The following RGS9 variants were observed in gnomAD, a reference collection of about 807,000 sequenced individuals.
RGS9 encodes regulator of G protein signaling 9.
RGS9 carries 78 observed loss-of-function variants against 102.0 expected under a neutral mutation model. That is an observed-to-expected ratio of 0.76 (90% CI 0.64 to 0.92). RGS9 has a LOEUF of 0.92. Among genes scored for constraint, RGS9 ranks in the 40% least tolerant of loss-of-function variants. The probability of loss-of-function intolerance (pLI) is 0.00; values close to 1 mark genes in which losing one functional copy is unlikely to be tolerated. For missense variants in RGS9, 833 were observed against 866.1 expected, an observed-to-expected ratio of 0.96 and a Z score of 0.48; for synonymous variants, 353 against 318.6, an observed-to-expected ratio of 1.11 and a Z score of -1.15.
intron 8 of RGS9, among the ~76,000 whole-genome samples, chr17:65,169,413 A>G (rs1435706911): frequency 2.6e-5 from 4 of 152,198 alleles, no homozygotes; most frequent in African/African-American, 9.6e-5. Context: ...ACAGGGTCCC[A>G]GAGATAAGCA....
At chr17:65,183,380 C>T (rs1911975730) in intron 9 of RGS9, among the ~76,000 whole-genome samples, 1 of 152,156 alleles carries the variant, frequency 6.6e-6, no homozygotes, top group Non-Finnish European at 1.5e-5. Flanking sequence ...GCCTTGGACT[C>T]TCAAAGTGCT....
At chr17:65,159,794 T>C (rs1453049308) in intron 3 of RGS9, among the ~76,000 whole-genome samples, 2 of 152,092 alleles carry the variant, frequency 1.3e-5, no homozygotes, top group African/African-American at 4.8e-5. Flanking sequence ...GGGATAGAAG[T>C]TGGCAATAAA....
intron 9 of RGS9, among the ~76,000 whole-genome samples, chr17:65,187,243 A>C (rs1408197924): frequency 2.6e-5 from 4 of 152,206 alleles, no homozygotes; most frequent in Admixed American, 2.6e-4. Context: ...GCTAGGGAAG[A>C]TAGACCTGGT....
chr17:65,227,187 C>A, intron 18 of RGS9, 88 bp from the exon 19 acceptor site: 1 of 1,580,790 alleles, frequency 6.3e-7, no homozygotes, highest in Non-Finnish European at 8.7e-7. Flanking sequence ...CTGGTATGTT[C>A]ATCTTCAAGG....
intron 10 of RGS9, 86 bp from the exon 11 acceptor site, chr17:65,190,089 A>G: frequency 9.1e-7 from 1 of 1,098,848 alleles, no homozygotes; most frequent in Non-Finnish European, 1.4e-6. Context: ...CTCTGGGTAA[A>G]TGGCTTCTGG....
chr17:65,160,448 A>C, intron 4 of RGS9, 88 bp from the exon 5 acceptor site: 1 of 1,577,594 alleles, frequency 6.3e-7, no homozygotes, highest in East Asian at 2.2e-5. Flanking sequence ...GAGGGGGCCA[A>C]GGTGGTTGGA....
At chr17:65,141,396 T>C (rs972338182) in intron 1 of RGS9, among the ~76,000 whole-genome samples, 7 of 152,222 alleles carry the variant, frequency 4.6e-5, no homozygotes, top group East Asian at 1.9e-4. Context: ...TCTTGGACTT[T>C]CTTGGAGAAG....
chr17:65,216,769 G>A (rs984155766), intron 17 of RGS9, among the ~76,000 whole-genome samples: 1 of 152,190 alleles, frequency 6.6e-6, no homozygotes, highest in Non-Finnish European at 1.5e-5. Flanking sequence ...ATGCAGAACT[G>A]AATAAGATCA....
At chr17:65,221,960 G>A (rs977864754) in intron 17 of RGS9, among the ~76,000 whole-genome samples, 11 of 152,178 alleles carry the variant, frequency 7.2e-5, no homozygotes, top group Non-Finnish European at 1.5e-4. Context: ...ATTTTGTGGA[G>A]GACACAAATC....
intron 1 of RGS9, among the ~76,000 whole-genome samples, chr17:65,152,707 T>C (rs1910625211): frequency 6.6e-6 from 1 of 152,090 alleles, no homozygotes; most frequent in Non-Finnish European, 1.5e-5. Context: ...ATTTTTAAGT[T>C]TTTCGTAGAG....
chr17:65,194,126 C>T (rs142364295), intron 12 of RGS9, among the ~76,000 whole-genome samples: 12 of 152,316 alleles, frequency 7.9e-5, no homozygotes, highest in Non-Finnish European at 1.3e-4. Flanking sequence ...TTGGGTATTG[C>T]GCTTCTAGGA....
chr17:65,222,760 C>G (rs911485845), intron 17 of RGS9, among the ~76,000 whole-genome samples: 2 of 152,148 alleles, frequency 1.3e-5, no homozygotes, highest in East Asian at 3.9e-4. Flanking sequence ...GTGCAGAGTC[C>G]CTTAAGCTTA....
intron 9 of RGS9, among the ~76,000 whole-genome samples, chr17:65,179,844 G>A (rs1002082423): frequency 2.0e-5 from 3 of 152,092 alleles, no homozygotes; most frequent in African/African-American, 4.8e-5. Flanking sequence ...CACTTCCTGC[G>A]GATGTGGATG....
At chr17:65,210,359 A>T in intron 16 of RGS9, 129 bp from the exon 17 acceptor site, 1 of 1,183,496 alleles carries the variant, frequency 8.4e-7, no homozygotes, top group South Asian at 1.2e-5. Flanking sequence ...CTGGAGGTTC[A>T]CTGGAAAAAG....
chr17:65,171,081 G>A (rs150120300), intron 8 of RGS9, among the ~76,000 whole-genome samples: 8 of 152,304 alleles, frequency 5.3e-5, no homozygotes, highest in Non-Finnish European at 7.4e-5. Flanking sequence ...ACTTGGCGCC[G>A]TGGAGTGTCG....
In RGS9 at chr17:65,160,312, G is replaced by A; in HGVS notation, c.285G>A (p.Lys95=). The change falls in exon 4 of 19, where the codon AAG becomes AAA. Residue 95 remains lysine, a synonymous_variant. Coordinates refer to ENST00000262406, the MANE Select transcript of RGS9 (RefSeq NM_003835.4). The stretch of plus-strand genomic sequence containing the variant: ...AAGACCCCAAGAATCTCATTCTCAA[G>A]CCTGATGGCAGCCTCTACAGATTTC... The part of the protein sequence containing the change: ...PLQDPKNLIL[K]PDGSLYRFQT... 1 of 1,614,114 alleles carries A rather than the reference G, an allele frequency of 6.2e-7. No homozygotes were observed. Among genetic ancestry groups the A allele is most frequent in the Non-Finnish European group, 8.5e-7 (1 of 1,179,944 alleles).
At chr17:65,215,547 T>TCTTTC (rs57811134) in intron 17 of RGS9, among the ~76,000 whole-genome samples, 2 of 137,238 alleles carry the variant, frequency 1.5e-5, no homozygotes, top group Admixed American at 7.0e-5. Flanking sequence ...TTTCTTTCTT[T>TCTTTC]TTTTTTGTTT....
intron 8 of RGS9, among the ~76,000 whole-genome samples, chr17:65,168,969 C>T (rs969984837): frequency 1.3e-5 from 2 of 152,180 alleles, no homozygotes; most frequent in Admixed American, 1.3e-4. Context: ...ACCTCAGTTT[C>T]CTCCTGTACA....
At chr17:65,191,914 GAGGGAAGACTTC>G (rs904318513) in intron 11 of RGS9, among the ~76,000 whole-genome samples, 4 of 152,160 alleles carry the variant, frequency 2.6e-5, no homozygotes, top group Non-Finnish European at 5.9e-5. Context: ...TCTTATGGCT[GAGGGAAGACTTC>G]AGGGCAGGTG....
Sources: gnomAD v4.1 joint callset for allele counts (sites outside exome capture counted in the v4.1 genomes callset) on GRCh38, gnomAD v4.1.1 for gene constraint, MANE v1.5 for transcripts, NCBI Gene and HGNC (gene_info 2026-07-23, HGNC 2026-07-21) for gene names.